The following FMO5 variants were observed in gnomAD, a reference collection of about 807,000 sequenced individuals.
FMO5 encodes flavin containing dimethylaniline monoxygenase 5.
In FMO5, 51 loss-of-function variants were observed where a neutral mutation model predicts 43.6. The ratio of observed to expected loss-of-function variants is 1.17; its 90% CI spans 0.93 to 1.48. FMO5 has a LOEUF of 1.48. Among genes scored for constraint, FMO5 ranks in the 40% most tolerant of loss-of-function variants. FMO5 has a pLI of 0.00. For synonymous variants in FMO5, 187 were observed against 216.5 expected (o/e 0.86, Z 1.20); for missense variants, 644 against 643.0 (o/e 1.00, Z -0.02).
At chr1:147,212,917 TTA>T (rs1491485938) in intron 4 of FMO5, among the ~76,000 whole-genome samples, 2 of 151,256 alleles carry the variant, frequency 1.3e-5, no homozygotes, top group African/African-American at 2.4e-5. Context: ...GCTTTTTTTT[TTA>T]AAATGAAAAT....
chr1:147,184,382 T>G, downstream of FMO5: 16 of 1,165,834 alleles, frequency 1.4e-5, no homozygotes, highest in Non-Finnish European at 1.7e-5. The surrounding 1 kb of genome is among the most constrained non-coding windows in gnomAD (Gnocchi z 4.4). Context: ...AAACCAATAT[T>G]GATACATTAT....
chr1:147,191,929 T>G (rs1553918628), intron 7 of FMO5, among the ~76,000 whole-genome samples: 3 of 152,110 alleles, frequency 2.0e-5, no homozygotes, highest in African/African-American at 7.3e-5. Context: ...TAGTATAGTT[T>G]GAAGTCAGGT....
rs587614162 is a variant in FMO5, at chr1:147,208,536, C to A, written c.830+316G>T. On this transcript the variant is annotated intron_variant, in intron 6 of 8. Coordinates refer to ENST00000254090, the MANE Select transcript of FMO5 (RefSeq NM_001461.4). ...CTCACTGCAACCTCTGCCTCCAGGGCTCAGGTGATTCTCCTGCCTCAGCCT... is the reference window on the plus strand; with the variant it reads ...CTCACTGCAACCTCTGCCTCCAGGGATCAGGTGATTCTCCTGCCTCAGCCT... 4.7e-4 allele frequency: 101 copies of A among 216,182 alleles called. 1 individual carries two copies. The highest frequency in any genetic ancestry group is 2.2e-3 in the African/African-American group (97 of 43,238). 13.4% of individuals were successfully genotyped at this position (216,182 alleles called of 1,614,324 possible).
At chr1:147,217,249 G>A (rs5006087) in intron 2 of FMO5, among the ~76,000 whole-genome samples, 13,398 of 149,768 alleles carry the variant, frequency 0.089, 720 homozygotes, top group African/African-American at 0.15. Context: ...ACAAAAAAAA[G>A]AAAAAGAAAA....
At chr1:147,192,164 C>G (rs376381816) in intron 7 of FMO5, among the ~76,000 whole-genome samples, 19 of 151,976 alleles carry the variant, frequency 1.3e-4, no homozygotes, top group Non-Finnish European at 2.5e-4. Context: ...TCTTCCATTT[C>G]TTTGTATCCT....
chr1:147,196,338 T>C (rs1015224718), intron 7 of FMO5, among the ~76,000 whole-genome samples: 9 of 152,254 alleles, frequency 5.9e-5, no homozygotes, highest in Non-Finnish European at 1.2e-4. Flanking sequence ...TTAAGCTTAA[T>C]CATAGGTCTC....
upstream of FMO5, among the ~76,000 whole-genome samples, chr1:147,227,029 A>G (rs1664028367): frequency 6.6e-6 from 1 of 152,086 alleles, no homozygotes. Context: ...AGGTTTCACT[A>G]TGTTGCTCAA....
At position 147,215,818 on chromosome 1, in the gene FMO5, T is replaced by A; in HGVS notation, c.260A>T (p.Gln87Leu). Reference protein sequence around the residue: ...DHYPNFMHNAQVLEYFRMYAK... With the variant: ...DHYPNFMHNALVLEYFRMYAK... Reference sequence around the variant, plus strand: ...ATACATCCTGAAATACTCCAGGACCTGGGCATTATGCATGAAGTTGGGATA... The same window carrying A: ...ATACATCCTGAAATACTCCAGGACCAGGGCATTATGCATGAAGTTGGGATA... The change falls in exon 3 of 9, where the codon CAG becomes CTG. Residue 87 changes from glutamine (Q) to leucine (L), a missense_variant. Physicochemically the swap from Gln to Leu is moderately radical, Grantham distance 113. Coordinates refer to ENST00000254090, the MANE Select transcript of FMO5 (RefSeq NM_001461.4). 1 of 1,613,866 alleles carries A rather than the reference T, an allele frequency of 6.2e-7. No individual in the cohort carries two copies. Among genetic ancestry groups the A allele is most frequent in the Non-Finnish European group, 8.5e-7 (1 of 1,179,782 alleles).
chr1:147,185,047 G>T (rs1462501801), downstream of FMO5, among the ~76,000 whole-genome samples: 1 of 151,984 alleles, frequency 6.6e-6, no homozygotes, highest in East Asian at 1.9e-4. Flanking sequence ...ATAAGAACAA[G>T]ATATGGTAAA....
chr1:147,211,376 C>T, intron 5 of FMO5: 3 of 152,174 alleles, frequency 2.0e-5, no homozygotes, highest in Admixed American at 2.0e-4. Context: ...TATTTTTAAT[C>T]CTTGTTTATA....
chr1:147,188,708 C>A (rs1304451834), intron 8 of FMO5, among the ~76,000 whole-genome samples: 1 of 149,894 alleles, frequency 6.7e-6, no homozygotes, highest in Non-Finnish European at 1.5e-5. Flanking sequence ...ACACATGTAC[C>A]CTAGAACTTA....
Position 147,201,434 on chromosome 1 carries a change from TC to T in FMO5, c.900del (p.Gly302GlufsTer3). 6.2e-7 allele frequency: 1 copy of T among 1,614,158 alleles called. No homozygotes were observed. The highest frequency in any genetic ancestry group is 8.5e-7 in the Non-Finnish European group (1 of 1,180,028). On this transcript the variant is annotated frameshift_variant, in exon 7 of 9. Transcript: ENST00000254090. LOFTEE classifies it high-confidence loss of function. The stretch of plus-strand genomic sequence containing the variant: ...TCCGTGAATTCCTTCACATTTCCTT[TC>T]ACTTTCACCAAGCCAGAAATGATAC... ...PNRIISGLVK[V>X]KGNVKEFTET... is the part of the protein sequence containing the mutation.
rs143729816 is a variant in FMO5 at position 147,201,461 on chromosome 1, G to C, written c.874C>G (p.Arg292Gly). ...ACTTTCACCAAGCCAGAAATGATAC[G>C]ATTTGGCAGGTCATCATTTAAGGTT... ...HPTLNDDLPN[R>G]IISGLVKVKG... The change falls in exon 7 of 9, where the codon CGT becomes GGT. Residue 292 changes from arginine to glycine, a missense_variant. Arg to Gly is a moderately radical substitution (Grantham distance 125). Transcript: ENST00000254090. 1.9e-6 allele frequency: 3 copies of C among 1,613,930 alleles called. No individual in the cohort carries two copies. The highest frequency in any genetic ancestry group is 2.5e-6 in the Non-Finnish European group (3 of 1,180,010).
chr1:147,224,788 G>T, intron 2 of FMO5, 107 bp downstream of exon 2: 1 of 1,037,526 alleles, frequency 9.6e-7, no homozygotes, highest in East Asian at 2.4e-5. Context: ...AGGATTACAG[G>T]CGTGTGCCAA....
intron 6 of FMO5, among the ~76,000 whole-genome samples, chr1:147,206,411 G>T (rs1660056161): frequency 6.6e-6 from 1 of 152,148 alleles, no homozygotes; most frequent in Non-Finnish European, 1.5e-5. Flanking sequence ...TCCCATTACT[G>T]GGTATATACC....
In FMO5 at chr1:147,225,002, C is replaced by A. The variant is rs150343605; in HGVS notation, c.28G>T (p.Gly10Trp). The A allele has an allele frequency of 3.8e-5, 62 of 1,613,948 alleles. No homozygotes were observed. The East Asian group carries it at 7.8e-4, about 20-fold the overall frequency. The change falls in exon 2 of 9, where the codon GGG becomes TGG. Residue 10 changes from glycine (G) to tryptophan (W), a missense_variant. Coordinates refer to ENST00000254090, the MANE Select transcript of FMO5 (RefSeq NM_001461.4). ...GAAGAGAGCCCGCTCACTCCTCCCC[C>A]AATCACAGCAATTCTTTTCTTAGTC... MTKKRIAVI[G>W]GGVSGLSSIK...
intron 6 of FMO5, among the ~76,000 whole-genome samples, chr1:147,208,156 TCTATTA>T (rs1660419692): frequency 6.6e-6 from 1 of 152,214 alleles, no homozygotes; most frequent in Admixed American, 6.5e-5. Context: ...GAGTGTTATT[TCTATTA>T]CTATTACTAT....
chr1:147,200,355 C>T (rs782227448), intron 7 of FMO5, among the ~76,000 whole-genome samples: 11 of 152,098 alleles, frequency 7.2e-5, no homozygotes, highest in South Asian at 2.1e-4. Flanking sequence ...AATCTCTCTC[C>T]GGCTTTTTCA....
At chr1:147,187,400 G>C (rs915965889) in intron 8 of FMO5, among the ~76,000 whole-genome samples, 155 bp from the exon 9 acceptor site, 15 of 152,180 alleles carry the variant, frequency 9.9e-5, no homozygotes, top group African/African-American at 3.6e-4. Context: ...TGTCCTTAAG[G>C]ATCTTAGGAC....
Sources: gnomAD v4.1 joint callset for allele counts (sites outside exome capture counted in the v4.1 genomes callset) on GRCh38, gnomAD v4.1.1 for gene constraint, Gnocchi (gnomAD v3.1) non-coding constraint, MANE v1.5 for transcripts, NCBI Gene and HGNC (gene_info 2026-07-23, HGNC 2026-07-21) for gene names.